The following MS4A14 variants were observed in gnomAD, a reference collection of about 807,000 sequenced individuals.
MS4A14 encodes membrane-spanning 4-domains subfamily A member 14.
A neutral mutation model predicts 16.7 loss-of-function variants in MS4A14; 18 were observed. The ratio of observed to expected loss-of-function variants is 1.08; its 90% CI spans 0.75 to 1.60. The LOEUF (loss-of-function observed/expected upper bound fraction) is 1.60. Among genes scored for constraint, MS4A14 ranks in the 40% most tolerant of loss-of-function variants. The probability of loss-of-function intolerance (pLI) is 0.00; values close to 1 mark genes in which losing one functional copy is unlikely to be tolerated. For synonymous variants in MS4A14, 305 were observed against 289.4 expected (o/e 1.05, Z -0.55); for missense variants, 812 against 775.3 (o/e 1.05, Z -0.56).
chr11:60,410,990 C>T lies in MS4A14; in HGVS notation c.469-4447C>T, dbSNP rs188181463. On this transcript the variant is annotated intron_variant, in intron 4 of 4. Coordinates refer to ENST00000300187, the MANE Select transcript of MS4A14 (RefSeq NM_032597.5). ...CCTCCTAAGTAGCTGGGACTATAGG[C>T]GCATGCCACCATGCCAGGCTAATTT... Among the ~76,000 whole-genome samples the T allele has an allele frequency of 3.9e-3, 592 of 152,126 alleles. 1 individual carries two copies. The highest frequency in any genetic ancestry group is 0.013 in the African/African-American group (554 of 41,498).
At chr11:60,404,124 T>C (rs2085753806) in intron 4 of MS4A14, among the ~76,000 whole-genome samples, 1 of 152,252 alleles carries the variant, frequency 6.6e-6, no homozygotes, top group Admixed American at 6.5e-5. Flanking sequence ...CTACTGTTTG[T>C]TATGTTCGTA....
At chr11:60,407,163 C>T (rs1012746108) in intron 4 of MS4A14, among the ~76,000 whole-genome samples, 5 of 151,782 alleles carry the variant, frequency 3.3e-5, no homozygotes, top group South Asian at 4.2e-4. Context: ...TGCAAGCATG[C>T]GCCACCACCC....
At chr11:60,407,254 C>G (rs1218674761) in intron 4 of MS4A14, among the ~76,000 whole-genome samples, 1 of 152,098 alleles carries the variant, frequency 6.6e-6, no homozygotes, top group Non-Finnish European at 1.5e-5. Flanking sequence ...CTCCTTGGCT[C>G]AAGTGATACA....
At chr11:60,400,801 A>G (rs991756930) in intron 3 of MS4A14, among the ~76,000 whole-genome samples, 2 of 152,216 alleles carry the variant, frequency 1.3e-5, no homozygotes, top group African/African-American at 2.4e-5. Flanking sequence ...AACTGGTGTT[A>G]TTGGCAACAA....
intron 4 of MS4A14, among the ~76,000 whole-genome samples, chr11:60,409,674 T>C (rs926194629): frequency 6.6e-6 from 1 of 151,580 alleles, no homozygotes; most frequent in African/African-American, 2.4e-5. Context: ...AGCACTGCAG[T>C]AAATATGGGA....
chr11:60,405,544 T>C (rs1349420207), intron 4 of MS4A14, among the ~76,000 whole-genome samples: 1 of 152,190 alleles, frequency 6.6e-6, no homozygotes, highest in Non-Finnish European at 1.5e-5. Flanking sequence ...TCTATCTGGC[T>C]CTTTAGGGAA....
intron 4 of MS4A14, among the ~76,000 whole-genome samples, chr11:60,412,848 T>C (rs935593683): frequency 1.2e-4 from 18 of 151,964 alleles, no homozygotes; most frequent in Non-Finnish European, 1.2e-4. Context: ...AATTTCCACA[T>C]AAGTTTTAGA....
intron 2 of MS4A14, among the ~76,000 whole-genome samples, chr11:60,398,662 G>A (rs2085665168): frequency 1.3e-5 from 2 of 151,972 alleles, no homozygotes; most frequent in African/African-American, 4.8e-5. Context: ...GTGCATGAAC[G>A]AACGAATGAA....
At chr11:60,398,369 A>G (rs1194274652) in intron 2 of MS4A14, among the ~76,000 whole-genome samples, 1 of 152,248 alleles carries the variant, frequency 6.6e-6, no homozygotes, top group Non-Finnish European at 1.5e-5. Context: ...AAGCTTAAAA[A>G]GAATTTTAAA....
intron 4 of MS4A14, among the ~76,000 whole-genome samples, chr11:60,412,744 T>C (rs951297598): frequency 2.7e-4 from 41 of 152,110 alleles, no homozygotes; most frequent in African/African-American, 8.4e-4. Context: ...TCTGCCCCAC[T>C]AAAATTATGC....
At position 60,416,338 on chromosome 11, in the gene MS4A14, A is replaced by T. The variant is rs985899015; in HGVS notation, c.1370A>T (p.Tyr457Phe). Reference sequence around the variant, plus strand: ...AACCAGCAAATTTTACAAATGTCATATCAAGATATTAGATCAGAAGTTATG... The same window carrying T: ...AACCAGCAAATTTTACAAATGTCATTTCAAGATATTAGATCAGAAGTTATG... ...PQNQQILQMS[Y>F]QDIRSEVMEE... The change falls in exon 5 of 5, where the codon TAT becomes TTT. Residue 457 changes from tyrosine to phenylalanine, a missense_variant. Tyr to Phe is a conservative substitution (Grantham distance 22). Coordinates refer to ENST00000300187, the MANE Select transcript of MS4A14 (RefSeq NM_032597.5). 11 of 1,613,942 alleles carry T rather than the reference A, an allele frequency of 6.8e-6. No individual in the cohort carries two copies. The highest frequency in any genetic ancestry group is 1.3e-5 in the African/African-American group (1 of 74,928).
chr11:60,416,204 G>A lies in MS4A14; in HGVS notation c.1236G>A (p.Ala412=), dbSNP rs112103602. 4.2e-4 allele frequency: 680 copies of A among 1,613,686 alleles called. 2 individuals carry two copies. The African/African-American group carries it at 5.6e-3, about 13-fold the overall frequency. ...ATATGCTATCCCAAGCTCTATCAGC[G>A]CATGCCATATTACCTGAAGCCTCAA... The part of the protein sequence containing the change: ...SQDMLSQALS[A]HAILPEASTS... Residue 412 remains alanine, a synonymous_variant, in exon 5 of 5, where the codon GCG becomes GCA. Transcript: ENST00000300187.
chr11:60,404,611 C>T (rs558228778), intron 4 of MS4A14: 2 of 456,964 alleles, frequency 4.4e-6, no homozygotes, highest in Non-Finnish European at 8.8e-6. Context: ...TGTCAAGTAT[C>T]CACGGCCCCA....
chr11:60,407,197 T>C (rs150095409), intron 4 of MS4A14, among the ~76,000 whole-genome samples: 2 of 151,976 alleles, frequency 1.3e-5, no homozygotes, highest in Admixed American at 1.3e-4. Context: ...TTTTGTATTT[T>C]TTTTGTAGAA....
In MS4A14 at chr11:60,416,513, G is replaced by C; in HGVS notation, c.1545G>C (p.Arg515Ser). 2 of 1,613,772 alleles carry C rather than the reference G, an allele frequency of 1.2e-6. No individual in the cohort carries two copies. The highest frequency in any genetic ancestry group is 1.1e-5 in the South Asian group (1 of 91,064). The part of the protein sequence containing the change: ...VQAKGQKSSK[R>S]HSLDQQSKGW... ...CCAAAGGCCAGAAATCCTCAAAGAGGCATTCCTTAGATCAGCAAAGCAAAG... is the reference window on the plus strand; with the variant it reads ...CCAAAGGCCAGAAATCCTCAAAGAGCCATTCCTTAGATCAGCAAAGCAAAG... Residue 515 changes from arginine (R) to serine (S), a missense_variant, in exon 5 of 5, where the codon AGG becomes AGC. Coordinates refer to ENST00000300187, the MANE Select transcript of MS4A14 (RefSeq NM_032597.5).
At position 60,415,969 on chromosome 11, in the gene MS4A14, C is replaced by T; in HGVS notation, c.1001C>T (p.Thr334Ile). Residue 334 changes from threonine (T) to isoleucine (I), a missense_variant, in exon 5 of 5, where the codon ACC (threonine) becomes ATC (isoleucine). Physicochemically the swap from Thr to Ile is moderately conservative, Grantham distance 89 (BLOSUM62 -1). Coordinates refer to ENST00000300187, the MANE Select transcript of MS4A14 (RefSeq NM_032597.5). ...CCAGTAGAAGGCCTGTCAGAACAAA[C>T]CATGCCATCTAAGTCTACATCATCC... is the stretch of plus-strand genomic sequence containing the variant. ...ALPVEGLSEQ[T>I]MPSKSTSSHV... 5.6e-6 allele frequency: 9 copies of T among 1,613,910 alleles called. No individual in the cohort carries two copies. Among genetic ancestry groups the T allele is most frequent in the Non-Finnish European group, 7.6e-6 (9 of 1,179,924 alleles).
At position 60,396,513 on chromosome 11, in the gene MS4A14, G is replaced by A. The variant is rs957033848; in HGVS notation, c.-66G>A. ...GGCTCCATGTGACTCTGGTGGAGAG[G>A]TAGATCATGATTTGGGCGGCAATGT... is the stretch of plus-strand genomic sequence containing the variant. On this transcript the variant is annotated 5_prime_UTR_variant, in exon 1 of 5. Coordinates refer to ENST00000300187, the MANE Select transcript of MS4A14 (RefSeq NM_032597.5). 3 of 1,570,112 alleles carry A rather than the reference G, an allele frequency of 1.9e-6. No homozygotes were observed. Among genetic ancestry groups the A allele is most frequent in the Non-Finnish European group, 2.6e-6 (3 of 1,155,536 alleles).
chr11:60,404,158 A>G (rs1437444113), intron 4 of MS4A14, among the ~76,000 whole-genome samples: 2 of 152,212 alleles, frequency 1.3e-5, no homozygotes, highest in Non-Finnish European at 2.9e-5. Context: ...ACTTGTATAT[A>G]CCCGAAAGGG....
chr11:60,410,831 GTTT>G (rs34211432), intron 4 of MS4A14, among the ~76,000 whole-genome samples: 43 of 151,566 alleles, frequency 2.8e-4, no homozygotes, highest in Admixed American at 1.2e-3. Context: ...TATTTTTTGG[GTTT>G]TTTTTTTTGT....
Sources: gnomAD v4.1 joint callset for allele counts (sites outside exome capture counted in the v4.1 genomes callset) on GRCh38, gnomAD v4.1.1 for gene constraint, MANE v1.5 for transcripts, NCBI Gene and HGNC (gene_info 2026-07-23, HGNC 2026-07-21) for gene names.